DZANK1: variants seen among roughly 807,000 people sequenced by gnomAD.
The protein encoded by DZANK1 is double zinc ribbon and ankyrin repeat domains 1, also known as double zinc ribbon and ankyrin repeat-containing protein 1.
In DZANK1, 91 loss-of-function variants were observed where a neutral mutation model predicts 94.5. That is an observed-to-expected ratio of 0.96 (90% CI 0.81 to 1.15). The LOEUF (loss-of-function observed/expected upper bound fraction) is 1.15. Among genes scored for constraint, DZANK1 ranks in the 50% most tolerant of loss-of-function variants. The probability of loss-of-function intolerance (pLI) is 0.00; values close to 1 mark genes in which losing one functional copy is unlikely to be tolerated. For synonymous variants in DZANK1, 312 were observed against 325.3 expected (o/e 0.96, Z 0.44); for missense variants, 903 against 916.4 (o/e 0.99, Z 0.19).
chr20:18,413,809 C>G (rs1490772236), intron 12 of DZANK1, among the ~76,000 whole-genome samples: 1 of 151,900 alleles, frequency 6.6e-6, no homozygotes, highest in Non-Finnish European at 1.5e-5. Flanking sequence ...CTCCCTAAAA[C>G]TGCATACAAA....
intron 13 of DZANK1, among the ~76,000 whole-genome samples, chr20:18,409,213 T>C (rs1332115192): frequency 6.6e-6 from 1 of 152,018 alleles, no homozygotes; most frequent in Non-Finnish European, 1.5e-5. Flanking sequence ...AAGTTTCAAG[T>C]AGGATAAACC....
chr20:18,442,158 G>A (rs375807727), intron 8 of DZANK1, among the ~76,000 whole-genome samples: 16 of 152,254 alleles, frequency 1.1e-4, no homozygotes, highest in Non-Finnish European at 1.5e-5. Context: ...TATAACTGGG[G>A]GGCAATCTAG....
intron 20 of DZANK1, 88 bp from the exon 21 acceptor site, chr20:18,384,652 G>C: frequency 7.1e-7 from 1 of 1,411,814 alleles, no homozygotes; most frequent in Admixed American, 2.6e-5. Context: ...ATGGAGGCCA[G>C]GCTGGGCCCC....
intron 8 of DZANK1, 59 bp from the exon 9 acceptor site, chr20:18,433,824 C>G: frequency 6.9e-7 from 1 of 1,448,452 alleles, no homozygotes; most frequent in Non-Finnish European, 9.7e-7. Flanking sequence ...ATGAATAGAT[C>G]TTAGAATGTA....
At chr20:18,394,511 C>T (rs1568881597) in intron 15 of DZANK1, 161 bp from the exon 16 acceptor site, 8 of 747,408 alleles carry the variant, frequency 1.1e-5, no homozygotes, top group Non-Finnish European at 1.9e-5. Flanking sequence ...TCCTCCTCAC[C>T]TCCCCAGCAT....
At chr20:18,451,082 A>G (rs1186477366) in intron 6 of DZANK1, among the ~76,000 whole-genome samples, 1 of 152,112 alleles carries the variant, frequency 6.6e-6, no homozygotes, top group Non-Finnish European at 1.5e-5. Flanking sequence ...AGTAGCTGGG[A>G]CTACAGGTGC....
chr20:18,435,888 G>T (rs1161107081), intron 8 of DZANK1, among the ~76,000 whole-genome samples: 4 of 151,930 alleles, frequency 2.6e-5, no homozygotes, highest in Non-Finnish European at 5.9e-5. Flanking sequence ...GCCTTGCAGG[G>T]GAGGCAGACA....
intron 3 of DZANK1, among the ~76,000 whole-genome samples, chr20:18,456,638 T>TTTC (rs1358890023): frequency 1.3e-5 from 2 of 152,234 alleles, no homozygotes; most frequent in African/African-American, 2.4e-5. Flanking sequence ...TTGTCTTTTC[T>TTTC]AGAAATTTAA....
intron 10 of DZANK1, chr20:18,421,262 A>T (rs1162103424): frequency 5.8e-6 from 1 of 172,682 alleles, no homozygotes; most frequent in Non-Finnish European, 1.3e-5. Flanking sequence ...TTTCATCTAC[A>T]TCCCCCCCGT....
In DZANK1 at chr20:18,394,317, C is replaced by A. The variant is rs560238158; in HGVS notation, c.1645G>T (p.Asp549Tyr). 4 of 1,613,788 alleles carry A rather than the reference C, an allele frequency of 2.5e-6. No individual in the cohort carries two copies. The South Asian group carries it at 3.3e-5, about 13-fold the overall frequency. Residue 549 changes from aspartate to tyrosine, a missense_variant, in exon 16 of 21, where the codon GAT (aspartate) becomes TAT (tyrosine). Physicochemically the swap from Asp to Tyr is radical, Grantham distance 160 (BLOSUM62 -3). Transcript: ENST00000262547. Reference sequence around the variant, plus strand: ...TCGGCAGCACTGCTCAGAAGGTGATCGCTGAAATTCACTGCCTTGTTCAGG... The same window carrying A: ...TCGGCAGCACTGCTCAGAAGGTGATAGCTGAAATTCACTGCCTTGTTCAGG...
chr20:18,398,427 G>C (rs888055082), intron 14 of DZANK1, 96 bp downstream of exon 14: 7 of 1,076,374 alleles, frequency 6.5e-6, no homozygotes, highest in African/African-American at 1.6e-5. Flanking sequence ...AAAGGGAAAG[G>C]AGCCAGGCAA....
intron 17 of DZANK1, among the ~76,000 whole-genome samples, chr20:18,391,787 T>C (rs771823275): frequency 1.3e-5 from 2 of 152,252 alleles, no homozygotes; most frequent in Non-Finnish European, 2.9e-5. Context: ...TCAAGGCCTC[T>C]GAGCCTTTCA....
chr20:18,406,029 T>C (rs2056944824), intron 13 of DZANK1, among the ~76,000 whole-genome samples: 1 of 152,234 alleles, frequency 6.6e-6, no homozygotes, highest in South Asian at 2.1e-4. Flanking sequence ...AAATTGCTCA[T>C]CCTAGTGGTC....
intron 10 of DZANK1, among the ~76,000 whole-genome samples, chr20:18,418,015 G>A (rs1295519409): frequency 6.6e-6 from 1 of 152,066 alleles, no homozygotes; most frequent in Non-Finnish European, 1.5e-5. Flanking sequence ...GAACCCAGGA[G>A]GCAGAGGTTG....
chr20:18,426,812 C>T (rs2058065072), intron 10 of DZANK1, among the ~76,000 whole-genome samples: 1 of 152,128 alleles, frequency 6.6e-6, no homozygotes, highest in South Asian at 2.1e-4. Flanking sequence ...CTAATGCCAG[C>T]CTCCCATGCA....
chr20:18,412,844 C>A, intron 12 of DZANK1: 1 of 1,613,836 alleles, frequency 6.2e-7, no homozygotes, highest in Non-Finnish European at 8.5e-7. Flanking sequence ...GACTGCCAGG[C>A]ACATCGGGGC....
chr20:18,391,187 T>C (rs781734489), intron 17 of DZANK1, among the ~76,000 whole-genome samples: 1 of 151,944 alleles, frequency 6.6e-6, no homozygotes, highest in Non-Finnish European at 1.5e-5. Context: ...TGGGACTCTG[T>C]CTCAAAAAAC....
At chr20:18,461,747 C>T (rs1256219834) in intron 2 of DZANK1, among the ~76,000 whole-genome samples, 30 of 151,958 alleles carry the variant, frequency 2.0e-4, no homozygotes, top group Admixed American at 2.0e-3. Context: ...TTACAAGCAC[C>T]CACCACCACG....
intron 6 of DZANK1, among the ~76,000 whole-genome samples, chr20:18,450,691 G>GT (rs2059067396): frequency 6.6e-6 from 1 of 152,196 alleles, no homozygotes; most frequent in Non-Finnish European, 1.5e-5. Flanking sequence ...TGGTAAGTGT[G>GT]AGCAGCCATG....
Sources: allele counts gnomAD v4.1 joint callset (sites outside exome capture counted in the v4.1 genomes callset), GRCh38; gene constraint gnomAD v4.1.1; transcripts MANE v1.5; gene names NCBI Gene and HGNC (gene_info 2026-07-23, HGNC 2026-07-21).